CNTNAP2: variants seen among roughly 807,000 people sequenced by gnomAD.
CNTNAP2 encodes contactin-associated protein-like 2.
In CNTNAP2, 98 loss-of-function variants were observed where a neutral mutation model predicts 155.2. The observed-to-expected ratio is 0.63, with a 90% CI of 0.54 to 0.75. The LOEUF is 0.75. Among genes scored for constraint, CNTNAP2 ranks in the 30% least tolerant of loss-of-function variants. The probability of loss-of-function intolerance (pLI) is 0.00; values close to 1 mark genes in which losing one functional copy is unlikely to be tolerated. For synonymous variants in CNTNAP2, 651 were observed against 631.2 expected (o/e 1.03, Z -0.47); for missense variants, 1,727 against 1,688.1 (o/e 1.02, Z -0.40).
At chr7:146,941,918 A>G (rs2129225817) in intron 3 of CNTNAP2, among the ~76,000 whole-genome samples, 1 of 151,980 alleles carries the variant, frequency 6.6e-6, no homozygotes, top group South Asian at 2.1e-4. Context: ...CTGTTTTCAG[A>G]ATTCTCTCTT....
chr7:146,588,424 T>C (rs1798729422), intron 1 of CNTNAP2, among the ~76,000 whole-genome samples: 1 of 152,202 alleles, frequency 6.6e-6, no homozygotes, highest in Admixed American at 6.5e-5. Context: ...TAAAATATTT[T>C]TCTGTCATTT....
intron 10 of CNTNAP2, among the ~76,000 whole-genome samples, chr7:147,484,779 G>A (rs1038151640): frequency 2.0e-5 from 3 of 152,208 alleles, no homozygotes; most frequent in Non-Finnish European, 4.4e-5. Flanking sequence ...GCAGGGAGCT[G>A]CTAGGGCATT....
Position 146,884,918 on chromosome 7 carries a change from A to T in CNTNAP2, c.402+45014A>T, listed in dbSNP as rs143223314. Reference sequence around the variant, plus strand: ...TCCCTTAAAAATTTTTACAGCTCTCAATGTCATATATGCCTTTAAAGGTAA... The same window carrying T: ...TCCCTTAAAAATTTTTACAGCTCTCTATGTCATATATGCCTTTAAAGGTAA... On this transcript the variant is annotated intron_variant, in intron 3 of 23. Coordinates refer to ENST00000361727, the MANE Select transcript of CNTNAP2 (RefSeq NM_014141.6). Among the ~76,000 whole-genome samples the T allele has an allele frequency of 4.3e-3, 661 of 152,264 alleles. 5 individuals carry two copies. Among genetic ancestry groups the T allele is most frequent in the African/African-American group, 0.015 (626 of 41,556 alleles).
intron 21 of CNTNAP2, among the ~76,000 whole-genome samples, chr7:148,282,314 A>G (rs1381425622): frequency 6.6e-6 from 1 of 152,222 alleles, no homozygotes; most frequent in African/African-American, 2.4e-5. Flanking sequence ...TATTTTGAAC[A>G]TTGAGGGTCA....
intron 3 of CNTNAP2, among the ~76,000 whole-genome samples, chr7:146,958,414 T>TGTTTG (rs1554415989): frequency 7.7e-6 from 1 of 130,344 alleles, no homozygotes; most frequent in African/African-American, 3.3e-5. Context: ...ATGGTTTTTT[T>TGTTTG]TTTTTTTTTT....
At chr7:146,513,410 T>C (rs1229778464) in intron 1 of CNTNAP2, among the ~76,000 whole-genome samples, 1 of 151,922 alleles carries the variant, frequency 6.6e-6, no homozygotes. Context: ...TTGGGTTTAG[T>C]AATTTTTCTC....
intron 3 of CNTNAP2, among the ~76,000 whole-genome samples, chr7:146,940,163 C>G (rs1797019976): frequency 6.6e-6 from 1 of 151,792 alleles, no homozygotes; most frequent in Non-Finnish European, 1.5e-5. Context: ...GAAAAACATT[C>G]TCATGCGTCA....
intron 2 of CNTNAP2, among the ~76,000 whole-genome samples, chr7:146,781,348 T>TA (rs71165039): frequency 0.012 from 1,786 of 147,736 alleles, 19 homozygotes; most frequent in Middle Eastern, 0.064. Context: ...TTCCAGAACT[T>TA]AAAAAAAAAA....
chr7:148,316,900 G>T (rs1165988046), intron 21 of CNTNAP2, among the ~76,000 whole-genome samples: 1 of 152,218 alleles, frequency 6.6e-6, no homozygotes, highest in Non-Finnish European at 1.5e-5. Flanking sequence ...ATGTGGAGCT[G>T]CCATTCCCAA....
At chr7:146,957,912 A>T (rs1034691508) in intron 3 of CNTNAP2, among the ~76,000 whole-genome samples, 4 of 152,224 alleles carry the variant, frequency 2.6e-5, no homozygotes, top group African/African-American at 7.2e-5. Flanking sequence ...ATCATTCATG[A>T]TAAATGAAAC....
intron 12 of CNTNAP2, among the ~76,000 whole-genome samples, chr7:147,626,291 A>T (rs1794974764): frequency 6.6e-6 from 1 of 152,024 alleles, no homozygotes; most frequent in Admixed American, 6.6e-5. Context: ...GTCCTCAGGC[A>T]AGGTCTTATT....
intron 9 of CNTNAP2, among the ~76,000 whole-genome samples, chr7:147,304,495 T>C (rs1794993557): frequency 6.6e-6 from 1 of 152,184 alleles, no homozygotes; most frequent in African/African-American, 2.4e-5. Context: ...GTTGTGGTCA[T>C]TTTTATTTCC....
At chr7:148,147,462 C>G (rs753208711) in intron 16 of CNTNAP2, 29 bp from the exon 17 acceptor site, 4 of 1,598,288 alleles carry the variant, frequency 2.5e-6, no homozygotes, top group Non-Finnish European at 3.4e-6. Flanking sequence ...GAAAAATACT[C>G]ATGTTTTTCA....
At chr7:146,820,915 G>T (rs1449963020) in intron 2 of CNTNAP2, among the ~76,000 whole-genome samples, 1 of 152,110 alleles carries the variant, frequency 6.6e-6, no homozygotes, top group Non-Finnish European at 1.5e-5. Context: ...TTACCATTAT[G>T]TAATGGCCTT....
chr7:146,133,338 G>T (rs936227718), intron 1 of CNTNAP2, among the ~76,000 whole-genome samples: 342 of 151,634 alleles, frequency 2.3e-3, no homozygotes, highest in East Asian at 3.7e-3. Context: ...AGTAGGTTGT[G>T]AAAATTTTCT....
intron 12 of CNTNAP2, among the ~76,000 whole-genome samples, chr7:147,582,623 C>A (rs1010497191): frequency 4.6e-5 from 7 of 152,006 alleles, no homozygotes; most frequent in African/African-American, 1.7e-4. Context: ...ATTCTTTATG[C>A]CAATAGTGAT....
At chr7:146,885,591 C>A (rs1225997419) in intron 3 of CNTNAP2, among the ~76,000 whole-genome samples, 1 of 152,142 alleles carries the variant, frequency 6.6e-6, no homozygotes, top group South Asian at 2.1e-4. Context: ...AAATGGATAT[C>A]TTTAATTATT....
chr7:146,891,482 G>A (rs1795775608), intron 3 of CNTNAP2, among the ~76,000 whole-genome samples: 1 of 152,138 alleles, frequency 6.6e-6, no homozygotes, highest in African/African-American at 2.4e-5. Flanking sequence ...AATATGTAAT[G>A]TTTTAGGTGA....
At chr7:147,343,430 G>T (rs1795796951) in intron 9 of CNTNAP2, among the ~76,000 whole-genome samples, 2 of 152,104 alleles carry the variant, frequency 1.3e-5, no homozygotes, top group South Asian at 2.1e-4. Flanking sequence ...GCTTGGTTAA[G>T]TGGAACATGT....
Sources: allele counts gnomAD v4.1 joint callset (sites outside exome capture counted in the v4.1 genomes callset), GRCh38; gene constraint gnomAD v4.1.1; transcripts MANE v1.5; gene names NCBI Gene and HGNC (gene_info 2026-07-23, HGNC 2026-07-21).